The following NPC1 variants were observed in gnomAD, a reference collection of about 807,000 sequenced individuals.
NPC1 encodes Niemann-Pick C1 protein.
A neutral mutation model predicts 140.4 loss-of-function variants in NPC1; 85 were observed. That is an observed-to-expected ratio of 0.61 (90% CI 0.51 to 0.72). NPC1 has a LOEUF of 0.72. Among genes scored for constraint, NPC1 ranks in the 30% least tolerant of loss-of-function variants. The pLI, the probability that NPC1 is intolerant of heterozygous loss-of-function variation, is 0.00. For missense variants in NPC1, 1,504 were observed against 1,623.8 expected, an observed-to-expected ratio of 0.93 and a Z score of 1.27; for synonymous variants, 656 against 624.8, an observed-to-expected ratio of 1.05 and a Z score of -0.74.
chr18:23,544,913 G>T, intron 12 of NPC1, 47 bp downstream of exon 12: 1 of 1,298,098 alleles, frequency 7.7e-7, no homozygotes, highest in Non-Finnish European at 1.1e-6. Context: ...GTTACACTGT[G>T]CACTGCTGTT....
intron 14 of NPC1, among the ~76,000 whole-genome samples, chr18:23,542,753 G>A (rs1225715512): frequency 3.3e-5 from 5 of 152,348 alleles, no homozygotes; most frequent in South Asian, 4.1e-4. Context: ...TTGTAAGCGA[G>A]TGCCTGTGGA....
intron 1 of NPC1, chr18:23,522,942 A>G (rs1029507827): frequency 6.6e-6 from 1 of 152,294 alleles, no homozygotes; most frequent in African/African-American, 2.4e-5. Context: ...TTTTGGGAAG[A>G]GTCAGCCACC....
downstream of NPC1, chr18:23,529,129 C>A (rs746061366): frequency 1.3e-6 from 2 of 1,589,508 alleles, no homozygotes; most frequent in African/African-American, 1.4e-5. Context: ...GTAAACAGCA[C>A]CCTTCCTCTA....
downstream of NPC1, chr18:23,526,527 G>C: frequency 7.3e-7 from 1 of 1,365,486 alleles, no homozygotes; most frequent in Middle Eastern, 2.3e-4. Flanking sequence ...GTACTTTGCG[G>C]CTTTTTATCA....
chr18:23,579,676 G>T (rs2059334101), intron 1 of NPC1, among the ~76,000 whole-genome samples: 1 of 152,090 alleles, frequency 6.6e-6, no homozygotes, highest in Non-Finnish European at 1.5e-5. Flanking sequence ...AGATCACGAG[G>T]TCAGGAGATC....
At chr18:23,580,147 T>G (rs1273651638) in intron 1 of NPC1, among the ~76,000 whole-genome samples, 1 of 152,206 alleles carries the variant, frequency 6.6e-6, no homozygotes, top group Admixed American at 6.5e-5. Context: ...TGCCTCATTT[T>G]CTCAGATACT....
downstream of NPC1, chr18:23,526,841 G>A (rs976163172): frequency 2.6e-5 from 40 of 1,551,070 alleles, no homozygotes; most frequent in Non-Finnish European, 3.5e-5. Flanking sequence ...TCGGGATGTG[G>A]GCTACATTGT....
intron 3 of NPC1, chr18:23,516,511 G>A: frequency 7.4e-7 from 1 of 1,347,452 alleles, no homozygotes; most frequent in Non-Finnish European, 1.1e-6. Context: ...ACCACGTGAT[G>A]CCCTGACCCC....
chr18:23,585,311 CAA>C (rs767017094), intron 1 of NPC1, among the ~76,000 whole-genome samples: 7 of 152,260 alleles, frequency 4.6e-5, no homozygotes, highest in East Asian at 3.9e-4. Flanking sequence ...CTGCTGAGCT[CAA>C]GAGATCCTCC....
chr18:23,529,112 A>G, downstream of NPC1: 3 of 1,560,500 alleles, frequency 1.9e-6, no homozygotes, highest in Non-Finnish European at 2.6e-6. Context: ...GTCCTTGTGG[A>G]TGAACTGTAA....
At position 23,577,908 on chromosome 18, in the gene NPC1, C is replaced by G. The variant is rs536509965; in HGVS notation, c.58-4334G>C. Among the ~76,000 whole-genome samples, 4 of 152,368 alleles carry G rather than the reference C, an allele frequency of 2.6e-5. No individual in the cohort carries two copies. In the South Asian group the frequency reaches 6.2e-4, roughly 24 times the overall value. On this transcript the variant is annotated intron_variant, in intron 1 of 24. Transcript: ENST00000269228. ...CCCCCATTGCCCGGGGCCAGCAGGGCTGGCTGGCTGCTCCGAGTGTGGGGC... is the reference window on the plus strand; with the variant it reads ...CCCCCATTGCCCGGGGCCAGCAGGGGTGGCTGGCTGCTCCGAGTGTGGGGC...
intron 20 of NPC1, among the ~76,000 whole-genome samples, chr18:23,537,496 G>C (rs1202630421): frequency 6.6e-6 from 1 of 152,184 alleles, no homozygotes; most frequent in African/African-American, 2.4e-5. Flanking sequence ...TAGGAAGCAG[G>C]AAAGGGCAAG....
intron 1 of NPC1, among the ~76,000 whole-genome samples, chr18:23,574,815 C>T (rs1010150216): frequency 6.6e-6 from 1 of 152,072 alleles, no homozygotes; most frequent in African/African-American, 2.4e-5. Context: ...ACATATGAAC[C>T]CTGTGCCAAG....
intron 10 of NPC1, 199 bp downstream of exon 10, chr18:23,551,428 T>C (rs1567961218): frequency 1.6e-6 from 1 of 614,814 alleles, no homozygotes; most frequent in Non-Finnish European, 2.9e-6. Context: ...GACCTAAAAA[T>C]GGCTAACCCA....
At chr18:23,542,497 C>G (rs2058726445) in intron 14 of NPC1, among the ~76,000 whole-genome samples, 1 of 152,140 alleles carries the variant, frequency 6.6e-6, no homozygotes, top group Non-Finnish European at 1.5e-5. Flanking sequence ...AGTCCAGCCT[C>G]CCCTATAGTG....
intron 22 of NPC1, 64 bp from the exon 23 acceptor site, chr18:23,534,623 G>A (rs1169506095): frequency 4.5e-5 from 59 of 1,320,012 alleles, no homozygotes; most frequent in Non-Finnish European, 5.3e-5. Context: ...CAGCCACCCC[G>A]TTCTGAGGAT....
chr18:23,519,057 T>C, downstream of NPC1: 1 of 1,613,906 alleles, frequency 6.2e-7, no homozygotes, highest in Non-Finnish European at 8.5e-7. Flanking sequence ...TTTTTTGCTT[T>C]CTATCCTACA....
chr18:23,571,629 C>T (rs1286138192), intron 3 of NPC1, among the ~76,000 whole-genome samples: 1 of 148,908 alleles, frequency 6.7e-6, no homozygotes, highest in African/African-American at 2.5e-5. Context: ...ACTCCAGCCT[C>T]GGTGACAGAG....
Position 23,539,971 on chromosome 18 carries a change from T to G in NPC1, c.2635A>C (p.Ile879Leu). Reference protein sequence around the residue: ...DSYMVDYFKSISQYLHAGPPV... With the variant: ...DSYMVDYFKSLSQYLHAGPPV... ...GGACCCGCATGCAGGTACTGACTGA[T>G]GGATTTGAAATAATCCACCATGTAG... Residue 879 changes from isoleucine to leucine, a missense_variant, in exon 18 of 25, where the codon ATC becomes CTC. Transcript: ENST00000269228. 1 of 1,614,206 alleles carries G rather than the reference T, an allele frequency of 6.2e-7. No homozygotes were observed. Among genetic ancestry groups the G allele is most frequent in the Non-Finnish European group, 8.5e-7 (1 of 1,180,024 alleles).
Sources: allele counts gnomAD v4.1 joint callset (sites outside exome capture counted in the v4.1 genomes callset), GRCh38; gene constraint gnomAD v4.1.1; transcripts MANE v1.5; gene names NCBI Gene and HGNC (gene_info 2026-07-23, HGNC 2026-07-21).